Variants in ZC3H8 observed in about 807,000 individuals in gnomAD.
The protein encoded by ZC3H8 is zinc finger CCCH domain-containing protein 8.
Under a neutral mutation model 42.5 loss-of-function variants are expected in ZC3H8, and 27 were observed. The ratio of observed to expected loss-of-function variants is 0.64; its 90% CI spans 0.47 to 0.88. ZC3H8 has a LOEUF of 0.88. ZC3H8 is among the 40% of genes least tolerant of loss of function. The pLI is 0.00. For synonymous variants in ZC3H8, 101 were observed against 110.1 expected (o/e 0.92, Z 0.52); for missense variants, 277 against 336.1 (o/e 0.82, Z 1.37).
chr2:112,253,188 C>T (rs1686015710), intron 1 of ZC3H8, among the ~76,000 whole-genome samples: 1 of 151,980 alleles, frequency 6.6e-6, no homozygotes, highest in East Asian at 1.9e-4. Context: ...CCCACCAGTG[C>T]TTATTTTCCC....
intron 4 of ZC3H8, among the ~76,000 whole-genome samples, chr2:112,236,132 C>T (rs930594434): frequency 4.0e-5 from 6 of 151,824 alleles, no homozygotes; most frequent in South Asian, 2.1e-4. Context: ...GGCATGGTGG[C>T]GGGCGCCTGT....
At chr2:112,249,065 G>T (rs1685856054) in intron 2 of ZC3H8, among the ~76,000 whole-genome samples, 1 of 152,130 alleles carries the variant, frequency 6.6e-6, no homozygotes, top group African/African-American at 2.4e-5. Flanking sequence ...AATTAGCTGG[G>T]CGTGGTGGTG....
intron 8 of ZC3H8, among the ~76,000 whole-genome samples, chr2:112,224,456 A>C (rs952805219): frequency 6.6e-6 from 1 of 152,242 alleles, no homozygotes; most frequent in African/African-American, 2.4e-5. Context: ...CATTGTATTC[A>C]GTGGGGAAAA....
At position 112,211,868 on chromosome 2, in the gene ZC3H8, A is replaced by C. The variant is rs1344141523; in HGVS notation, c.*4616T>G. 1 of 152,216 alleles carries C rather than the reference A, an allele frequency of 6.6e-6. No individual in the cohort carries two copies. The highest frequency in any genetic ancestry group is 6.5e-5 in the Admixed American group (1 of 15,280). 9.4% of individuals were successfully genotyped at this position (152,216 alleles called of 1,614,324 possible). On this transcript the variant is annotated 3_prime_UTR_variant, in exon 9 of 9. Coordinates refer to ENST00000409573, the MANE Select transcript of ZC3H8 (RefSeq NM_032494.3). ...ACAGCACTTTTAAGATGAGTTGGGC[A>C]TCTTGTCCCTCCCTATCCAAACATA...
chr2:112,224,844 T>C (rs778490349), intron 8 of ZC3H8, among the ~76,000 whole-genome samples: 2 of 152,176 alleles, frequency 1.3e-5, no homozygotes, highest in African/African-American at 4.8e-5. Flanking sequence ...TGTAGTAAAG[T>C]GTCACAGGGA....
At chr2:112,248,965 C>T (rs1279969283) in intron 2 of ZC3H8, among the ~76,000 whole-genome samples, 4 of 152,040 alleles carry the variant, frequency 2.6e-5, no homozygotes, top group African/African-American at 7.3e-5. Context: ...GAGGCCGAGG[C>T]GGTCAGATCG....
chr2:112,218,391 T>C (rs984554658), intron 8 of ZC3H8, among the ~76,000 whole-genome samples: 7 of 152,156 alleles, frequency 4.6e-5, no homozygotes, highest in Non-Finnish European at 1.0e-4. Context: ...TTATTGAGTA[T>C]GGTGCATTCC....
At position 112,230,409 on chromosome 2, in the gene ZC3H8, GAGTT is replaced by G. The variant is rs1235028222; in HGVS notation, c.*15+490_*15+493del. 2.0e-5 allele frequency among the ~76,000 whole-genome samples: 3 copies of G among 152,138 alleles called. No individual in the cohort carries two copies. In the East Asian group the frequency reaches 5.8e-4, roughly 29 times the overall value. ...GAAGTATGTATATGGATATTTACAAGAGTTAGTATTTTTAAAAATTGAAAATAAC... is the reference window on the plus strand; with the variant it reads ...GAAGTATGTATATGGATATTTACAAGAGTATTTTTAAAAATTGAAAATAAC... On this transcript the variant is annotated intron_variant, in intron 8 of 8. Coordinates refer to ENST00000409573, the MANE Select transcript of ZC3H8 (RefSeq NM_032494.3).
Position 112,238,304 on chromosome 2 carries a change from T to C in ZC3H8, c.370+11A>G, listed in dbSNP as rs370062876. 9 of 1,609,704 alleles carry C rather than the reference T, an allele frequency of 5.6e-6. No individual in the cohort carries two copies. The highest frequency in any genetic ancestry group is 7.6e-6 in the Non-Finnish European group (9 of 1,178,560). On this transcript the variant is annotated intron_variant, in intron 3 of 8. Coordinates refer to ENST00000409573, the MANE Select transcript of ZC3H8 (RefSeq NM_032494.3). ...GATAAACTTTAAATGATAAAATAGTTTGACTCTTACCCTGTGGGGTATCTT... is the reference window on the plus strand; with the variant it reads ...GATAAACTTTAAATGATAAAATAGTCTGACTCTTACCCTGTGGGGTATCTT...
intron 2 of ZC3H8, among the ~76,000 whole-genome samples, chr2:112,246,779 A>G (rs1685780603): frequency 1.3e-5 from 2 of 152,256 alleles, no homozygotes; most frequent in Non-Finnish European, 2.9e-5. Context: ...TAGTTGATAA[A>G]GCAGTGGCAG....
At chr2:112,218,095 A>C (rs1224833373) in intron 8 of ZC3H8, among the ~76,000 whole-genome samples, 1 of 152,212 alleles carries the variant, frequency 6.6e-6, no homozygotes, top group African/African-American at 2.4e-5. Context: ...CATGAAAAAC[A>C]ACTCATTCAG....
chr2:112,238,514 T>G lies in ZC3H8; in HGVS notation c.171A>C (p.Ala57=). The change falls in exon 3 of 9, where the codon GCA becomes GCC. Residue 57 remains alanine (A), a synonymous_variant. Coordinates refer to ENST00000409573, the MANE Select transcript of ZC3H8 (RefSeq NM_032494.3). ...EQIPKKFRHS[A]ISPKSSLHRK... ...TATGCAGCGAACTTTTTGGTGATAT[T>G]GCAGAGTGTCTAAACTAAGTAAAAA... The G allele has an allele frequency of 3.1e-6, 5 of 1,609,694 alleles. No individual in the cohort carries two copies. The highest frequency in any genetic ancestry group is 4.2e-6 in the Non-Finnish European group (5 of 1,179,400).
At chr2:112,222,773 G>C (rs940430995) in intron 8 of ZC3H8, among the ~76,000 whole-genome samples, 5 of 152,214 alleles carry the variant, frequency 3.3e-5, no homozygotes, top group African/African-American at 1.2e-4. Flanking sequence ...TTGAAGACAA[G>C]AGGAAATGGG....
chr2:112,220,876 C>T (rs1368654647), intron 8 of ZC3H8, among the ~76,000 whole-genome samples: 1 of 152,134 alleles, frequency 6.6e-6, no homozygotes, highest in Non-Finnish European at 1.5e-5. Flanking sequence ...TCTCCAGCTG[C>T]CCTTAACCGT....
In ZC3H8 at chr2:112,212,496, A is replaced by T. The variant is rs1477513993; in HGVS notation, c.*3988T>A. 2.6e-5 allele frequency: 4 copies of T among 152,218 alleles called. No individual in the cohort carries two copies. The highest frequency in any genetic ancestry group is 2.6e-4 in the Admixed American group (4 of 15,280). 9.4% of individuals were successfully genotyped at this position (152,218 alleles called of 1,614,324 possible). ...TAGGTTTGCTTCTTAGTTCACATTT[A>T]TTAGTTTCCCTTTGGCTGCAGGTAG... is the stretch of plus-strand genomic sequence containing the variant. On this transcript the variant is annotated 3_prime_UTR_variant, in exon 9 of 9. Transcript: ENST00000409573.
rs753650214 is a variant in ZC3H8 at position 112,254,996 on chromosome 2, C to T, written c.-15G>A. ...TCAAAATCCATGACCCAGACAGGTC[C>T]TCCCTTTCGCGAGCCGGGAAGCTAC... On this transcript the variant is annotated 5_prime_UTR_variant, in exon 1 of 9. Coordinates refer to ENST00000409573, the MANE Select transcript of ZC3H8 (RefSeq NM_032494.3). The T allele has an allele frequency of 1.9e-6, 3 of 1,594,836 alleles. No individual in the cohort carries two copies. Among genetic ancestry groups the T allele is most frequent in the South Asian group, 1.1e-5 (1 of 88,528 alleles).
chr2:112,238,274 C>G (rs775294311), intron 3 of ZC3H8, 41 bp downstream of exon 3: 6 of 1,588,376 alleles, frequency 3.8e-6, no homozygotes, highest in Non-Finnish European at 5.2e-6. Context: ...GTGACTGCTT[C>G]TCTAGATAAA....
chr2:112,212,234 A>ACTCTTTTATAAGGGCACTTT lies in ZC3H8; in HGVS notation c.*4249_*4250insAAAGTGCCCTTATAAAAGAG, dbSNP rs1211768324. 4 of 152,218 alleles carry ACTCTTTTATAAGGGCACTTT rather than the reference A, an allele frequency of 2.6e-5. No individual in the cohort carries two copies. The highest frequency in any genetic ancestry group is 5.9e-5 in the Non-Finnish European group (4 of 68,062). 9.4% of individuals were successfully genotyped at this position (152,218 alleles called of 1,614,324 possible). On this transcript the variant is annotated 3_prime_UTR_variant, in exon 9 of 9. Coordinates refer to ENST00000409573, the MANE Select transcript of ZC3H8 (RefSeq NM_032494.3). ...TTTTATAAGGGCACTAATCCCATTC[A>ACTCTTTTATAAGGGCACTTT]TGAGGGGCTCCACCCTCAAAACCCA...
chr2:112,231,804 G>T (rs376119163), intron 7 of ZC3H8, 34 bp downstream of exon 7: 1 of 1,388,486 alleles, frequency 7.2e-7, no homozygotes, highest in African/African-American at 1.5e-5. Flanking sequence ...CCTTAAAAAA[G>T]AAAAAACAAA....
Sources: allele counts gnomAD v4.1 joint callset (sites outside exome capture counted in the v4.1 genomes callset), GRCh38; gene constraint gnomAD v4.1.1; transcripts MANE v1.5; gene names NCBI Gene and HGNC (gene_info 2026-07-23, HGNC 2026-07-21).